The following CFAP61 variants were observed in gnomAD, a reference collection of about 807,000 sequenced individuals.
CFAP61 encodes cilia and flagella associated protein 61.
CFAP61 carries 107 observed loss-of-function variants against 135.6 expected under a neutral mutation model. That is an observed-to-expected ratio of 0.79 (90% confidence interval 0.67 to 0.93). The LOEUF is 0.93. CFAP61 is among the 40% of genes least tolerant of loss of function. The probability of loss-of-function intolerance (pLI) is 0.00; values close to 1 mark genes in which losing one functional copy is unlikely to be tolerated. For missense variants in CFAP61, 1,507 were observed against 1,556.2 expected (o/e 0.97, Z 0.53); for synonymous variants, 575 against 578.5 (o/e 0.99, Z 0.09).
intron 8 of CFAP61, among the ~76,000 whole-genome samples, chr20:20,122,618 A>C (rs1442535515): frequency 6.6e-6 from 1 of 152,178 alleles, no homozygotes; most frequent in Non-Finnish European, 1.5e-5. Flanking sequence ...TTTATGGCTG[A>C]GTAGTATTCC....
chr20:20,062,034 A>G (rs1399465206), intron 2 of CFAP61, among the ~76,000 whole-genome samples: 5 of 152,142 alleles, frequency 3.3e-5, no homozygotes, highest in African/African-American at 9.7e-5. Context: ...GGAGCCTTGC[A>G]CTACCATGTA....
intron 8 of CFAP61, among the ~76,000 whole-genome samples, chr20:20,122,858 T>A (rs1350838425): frequency 1.3e-5 from 2 of 150,050 alleles, no homozygotes; most frequent in Non-Finnish European, 2.9e-5. Flanking sequence ...CCATAGAGGT[T>A]GTACTAGTTT....
chr20:20,097,416 T>G (rs1220079503), intron 7 of CFAP61, among the ~76,000 whole-genome samples: 1 of 152,242 alleles, frequency 6.6e-6, no homozygotes, highest in Non-Finnish European at 1.5e-5. Flanking sequence ...CTATGTATTT[T>G]CTCTCTCTTT....
intron 22 of CFAP61, among the ~76,000 whole-genome samples, chr20:20,280,603 G>T (rs969701991): frequency 5.9e-5 from 9 of 152,114 alleles, no homozygotes; most frequent in South Asian, 2.1e-4. Flanking sequence ...TGTATCAATA[G>T]TTCATTCTTT....
intron 26 of CFAP61, among the ~76,000 whole-genome samples, chr20:20,343,591 G>A (rs1239276894): frequency 1.3e-5 from 2 of 152,148 alleles, no homozygotes; most frequent in Non-Finnish European, 2.9e-5. Context: ...ACCTGAACCC[G>A]AGTTGTAAGG....
chr20:20,148,864 C>T (rs1172050498), intron 9 of CFAP61, among the ~76,000 whole-genome samples: 1 of 152,182 alleles, frequency 6.6e-6, no homozygotes, highest in Non-Finnish European at 1.5e-5. Context: ...GCATCCTTGT[C>T]TTATTCCAGT....
chr20:20,149,752 C>T (rs900785512), intron 9 of CFAP61, among the ~76,000 whole-genome samples: 8 of 152,172 alleles, frequency 5.3e-5, no homozygotes, highest in African/African-American at 9.7e-5. Context: ...CAGACATCCT[C>T]GGGGAAGGCA....
chr20:20,229,293 C>A (rs1734980054), intron 18 of CFAP61, among the ~76,000 whole-genome samples: 1 of 152,284 alleles, frequency 6.6e-6, no homozygotes, highest in East Asian at 1.9e-4. Context: ...ACATGGAGCC[C>A]TCAGTGTATT....
At chr20:20,129,689 T>G (rs1338262172) in intron 8 of CFAP61, among the ~76,000 whole-genome samples, 1 of 151,566 alleles carries the variant, frequency 6.6e-6, no homozygotes. Flanking sequence ...ATTCTTAGAT[T>G]TGTTTTTTTC....
intron 11 of CFAP61, 140 bp from the exon 12 acceptor site, chr20:20,166,257 T>C: frequency 1.5e-6 from 1 of 658,736 alleles, no homozygotes; most frequent in Non-Finnish European, 2.7e-6. Flanking sequence ...TGCACCCCAT[T>C]AGTGTTCACC....
chr20:20,338,759 C>T (rs915277611), intron 25 of CFAP61, among the ~76,000 whole-genome samples: 4 of 152,168 alleles, frequency 2.6e-5, no homozygotes, highest in South Asian at 2.1e-4. Context: ...ATGGCCAAGC[C>T]GGCCTTCACA....
chr20:20,143,071 G>T, intron 9 of CFAP61, 123 bp downstream of exon 9: 1 of 621,286 alleles, frequency 1.6e-6, no homozygotes, highest in Non-Finnish European at 2.9e-6. Context: ...ATGCAGAAAA[G>T]GCCTCACTAG....
chr20:20,303,118 G>A (rs2056210490), intron 25 of CFAP61, among the ~76,000 whole-genome samples: 1 of 152,204 alleles, frequency 6.6e-6, no homozygotes, highest in Non-Finnish European at 1.5e-5. Flanking sequence ...AAATATTTGA[G>A]TTAAGGGAGA....
intron 21 of CFAP61, among the ~76,000 whole-genome samples, chr20:20,269,848 T>C (rs908211336): frequency 6.6e-6 from 1 of 152,216 alleles, no homozygotes; most frequent in Non-Finnish European, 1.5e-5. Flanking sequence ...CTATGAGACC[T>C]GATTTTGAAA....
chr20:20,261,868 G>T (rs945329917), intron 20 of CFAP61, among the ~76,000 whole-genome samples: 1 of 151,834 alleles, frequency 6.6e-6, no homozygotes, highest in East Asian at 1.9e-4. Flanking sequence ...GCTATCATCC[G>T]TTATTGTGTT....
Position 20,290,389 on chromosome 20 carries a change from T to C in CFAP61, c.3214T>C (p.Tyr1072His). 1 of 1,576,000 alleles carries C rather than the reference T, an allele frequency of 6.3e-7. No homozygotes were observed. The change falls in exon 24 of 27, where the codon TAT becomes CAT. Residue 1072 changes from tyrosine (Y) to histidine (H), a missense_variant and splice_region_variant. Transcript: ENST00000245957. ...PLEVQMAQPN[Y>H]GLELVTGSAK... is the part of the protein sequence containing the mutation. ...GGAGGTACAAATGGCACAGCCTAAT[T>C]ATGTAAGTATTATTTCTGAATTTCA...
At chr20:20,118,152 G>T (rs907839427) in intron 8 of CFAP61, among the ~76,000 whole-genome samples, 2 of 152,010 alleles carry the variant, frequency 1.3e-5, no homozygotes, top group African/African-American at 4.8e-5. Flanking sequence ...GTGCATCCTT[G>T]TCTTGTTCTA....
intron 25 of CFAP61, among the ~76,000 whole-genome samples, chr20:20,332,969 G>A (rs554178891): frequency 1.3e-5 from 2 of 152,124 alleles, no homozygotes; most frequent in Admixed American, 6.5e-5. Flanking sequence ...AGCTAGTTAC[G>A]ATGTCCTCTT....
intron 25 of CFAP61, among the ~76,000 whole-genome samples, chr20:20,333,724 T>G (rs2058078085): frequency 6.6e-6 from 1 of 152,178 alleles, no homozygotes; most frequent in African/African-American, 2.4e-5. Flanking sequence ...TTCAGGTAAT[T>G]CTTCAACATT....
Sources: allele counts gnomAD v4.1 joint callset (sites outside exome capture counted in the v4.1 genomes callset), GRCh38; gene constraint gnomAD v4.1.1; transcripts MANE v1.5; gene names NCBI Gene and HGNC (gene_info 2026-07-23, HGNC 2026-07-21).